The following FRAS1 variants were observed in gnomAD, a reference collection of about 807,000 sequenced individuals.
The protein encoded by FRAS1 is extracellular matrix organizing protein FRAS1.
In FRAS1, 290 loss-of-function variants were observed where a neutral mutation model predicts 435.2. That is an observed-to-expected ratio of 0.67 (90% confidence interval 0.61 to 0.73). The LOEUF (loss-of-function observed/expected upper bound fraction) is 0.73, where lower values mean the gene tolerates loss of function less well. FRAS1 is among the 30% of genes least tolerant of loss of function. The pLI, the probability that FRAS1 is intolerant of heterozygous loss-of-function variation, is 0.00. For synonymous variants in FRAS1, 1,800 were observed against 1,851.0 expected, an observed-to-expected ratio of 0.97 and a Z score of 0.71; for missense variants, 4,860 against 5,001.5, an observed-to-expected ratio of 0.97 and a Z score of 0.85.
intron 2 of FRAS1, among the ~76,000 whole-genome samples, chr4:78,086,916 C>A (rs1261373839): frequency 6.6e-6 from 1 of 152,196 alleles, no homozygotes; most frequent in Non-Finnish European, 1.5e-5. Flanking sequence ...CTCCCTAACT[C>A]ATTTTATGAG....
chr4:78,137,183 A>C (rs1393733888), intron 2 of FRAS1, among the ~76,000 whole-genome samples: 1 of 152,214 alleles, frequency 6.6e-6, no homozygotes. Context: ...CCTTTGATTC[A>C]GTTTTTTCCT....
chr4:78,221,839 C>T (rs990068914), intron 2 of FRAS1, among the ~76,000 whole-genome samples: 16 of 152,188 alleles, frequency 1.1e-4, no homozygotes, highest in African/African-American at 3.9e-4. Context: ...TATTGTATGT[C>T]AGTCATGGGG....
At chr4:78,210,491 C>A (rs189437369) in intron 2 of FRAS1, among the ~76,000 whole-genome samples, 1 of 152,176 alleles carries the variant, frequency 6.6e-6, no homozygotes, top group Non-Finnish European at 1.5e-5. Context: ...ATATCTCTTA[C>A]GAAGGTGCCC....
chr4:78,147,978 A>G (rs904309549), intron 2 of FRAS1, among the ~76,000 whole-genome samples: 2 of 152,202 alleles, frequency 1.3e-5, no homozygotes, highest in Admixed American at 6.5e-5. Context: ...AGGTAGTTCA[A>G]TCTGGAAGTG....
Position 78,280,285 on chromosome 4 carries a change from T to C in FRAS1, c.1072-1113T>C, listed in dbSNP as rs1182402476. Among the ~76,000 whole-genome samples, 3 of 152,176 alleles carry C rather than the reference T, an allele frequency of 2.0e-5. No individual in the cohort carries two copies. The East Asian group carries it at 5.8e-4, about 29-fold the overall frequency. Reference sequence around the variant, plus strand: ...CATAAGCACTGTGATACTGAGACAGTGGCTCTGATAACCAAGATGGCTACT... The same window carrying C: ...CATAAGCACTGTGATACTGAGACAGCGGCTCTGATAACCAAGATGGCTACT... On this transcript the variant is annotated intron_variant, in intron 10 of 73. Coordinates refer to ENST00000512123, the MANE Select transcript of FRAS1 (RefSeq NM_025074.7).
At chr4:78,208,002 G>A (rs576681970) in intron 2 of FRAS1, among the ~76,000 whole-genome samples, 68 of 152,252 alleles carry the variant, frequency 4.5e-4, no homozygotes, top group Non-Finnish European at 7.9e-4. Flanking sequence ...CAGAAAAGCC[G>A]AGGGAACCCA....
chr4:78,099,324 G>T (rs949802663), intron 2 of FRAS1, among the ~76,000 whole-genome samples: 1 of 152,178 alleles, frequency 6.6e-6, no homozygotes, highest in Admixed American at 6.5e-5. Flanking sequence ...TATAAGTGGC[G>T]CTTCCAGACA....
intron 2 of FRAS1, among the ~76,000 whole-genome samples, chr4:78,130,714 C>A (rs962094883): frequency 6.6e-6 from 1 of 152,196 alleles, no homozygotes; most frequent in African/African-American, 2.4e-5. Context: ...GAGAAACACT[C>A]TAAGTTTCTA....
intron 14 of FRAS1, among the ~76,000 whole-genome samples, chr4:78,303,211 A>G (rs934392582): frequency 1.8e-4 from 27 of 151,900 alleles, no homozygotes; most frequent in African/African-American, 6.3e-4. Flanking sequence ...TGTTCCATTG[A>G]TCTATATCTC....
Position 78,381,592 on chromosome 4 carries a change from T to C in FRAS1, c.3563+1596T>C, listed in dbSNP as rs201844739. Among the ~76,000 whole-genome samples, 59 of 152,336 alleles carry C rather than the reference T, an allele frequency of 3.9e-4. No homozygotes were observed. The East Asian group carries it at 7.5e-3, about 19-fold the overall frequency. On this transcript the variant is annotated intron_variant, in intron 27 of 73. Coordinates refer to ENST00000512123, the MANE Select transcript of FRAS1 (RefSeq NM_025074.7). ...TGTGTGAGCTGCAACACCTGGCCTA[T>C]TCTTAAGTATTTCTATCACACAGAC...
chr4:78,514,377 G>A (rs546049615), intron 65 of FRAS1, among the ~76,000 whole-genome samples: 3 of 152,336 alleles, frequency 2.0e-5, no homozygotes, highest in Non-Finnish European at 2.9e-5. Flanking sequence ...CTTAGCAAGT[G>A]CACATTAAAT....
Position 78,450,146 on chromosome 4 carries a change from C to T in FRAS1, c.6275-5C>T, listed in dbSNP as rs1560735023. On this transcript the variant is annotated splice_polypyrimidine_tract_variant and splice_region_variant and intron_variant, in intron 44 of 73. Transcript: ENST00000512123. ...ATAACCTACTCTCTTCCGTTCTCTTCCAAGGGTCTGTAGCACGCATCACAG... is the reference window on the plus strand; with the variant it reads ...ATAACCTACTCTCTTCCGTTCTCTTTCAAGGGTCTGTAGCACGCATCACAG... 6.2e-7 allele frequency: 1 copy of T among 1,611,304 alleles called. No homozygotes were observed. The highest frequency in any genetic ancestry group is 1.3e-5 in the African/African-American group (1 of 74,930).
chr4:78,306,947 T>TTTA (rs1487746001), intron 14 of FRAS1, among the ~76,000 whole-genome samples: 2 of 152,234 alleles, frequency 1.3e-5, no homozygotes, highest in African/African-American at 4.8e-5. Flanking sequence ...CACTCTGCTT[T>TTTA]TTAGAGTTTC....
At chr4:78,205,903 G>A (rs1428171829) in intron 2 of FRAS1, among the ~76,000 whole-genome samples, 2 of 152,026 alleles carry the variant, frequency 1.3e-5, no homozygotes, top group Non-Finnish European at 2.9e-5. Flanking sequence ...GGAAGCCTGA[G>A]GAAGGAAGAG....
chr4:78,090,371 A>T (rs1258028867), intron 2 of FRAS1, among the ~76,000 whole-genome samples: 2 of 152,198 alleles, frequency 1.3e-5, no homozygotes, highest in Non-Finnish European at 2.9e-5. Flanking sequence ...GAGCCAGTTG[A>T]GTATTCAAGA....
intron 6 of FRAS1, among the ~76,000 whole-genome samples, chr4:78,263,322 G>A (rs1284655718): frequency 2.0e-5 from 3 of 152,018 alleles, no homozygotes; most frequent in Admixed American, 2.0e-4. Flanking sequence ...TTATATTTTT[G>A]AAGAAAGATT....
rs1719658857 is a variant in FRAS1, at chr4:78,470,134, G to C, written c.7371+43G>C. 3.9e-6 allele frequency: 5 copies of C among 1,276,838 alleles called. No homozygotes were observed. In the East Asian group the frequency reaches 1.2e-4, roughly 30 times the overall value. 79.1% of individuals were successfully genotyped at this position (1,276,838 alleles called of 1,614,324 possible). On this transcript the variant is annotated intron_variant, in intron 51 of 73. Transcript: ENST00000512123. ...GTCATGTTCACACCACCCAACTTGGGCTACATCCTTCTTCACGACAATGAC... is the reference window on the plus strand; with the variant it reads ...GTCATGTTCACACCACCCAACTTGGCCTACATCCTTCTTCACGACAATGAC...
chr4:78,157,613 T>A (rs542832264), intron 2 of FRAS1, among the ~76,000 whole-genome samples: 1 of 152,348 alleles, frequency 6.6e-6, no homozygotes, highest in African/African-American at 2.4e-5. Flanking sequence ...TTGTATGTCT[T>A]CTTTTTAAGA....
intron 32 of FRAS1, among the ~76,000 whole-genome samples, chr4:78,416,569 C>G (rs1238162266): frequency 6.6e-6 from 1 of 151,710 alleles, no homozygotes; most frequent in Non-Finnish European, 1.5e-5. Flanking sequence ...CAGGAATGTA[C>G]AAGGACTTTT....
Sources: gnomAD v4.1 joint callset for allele counts (sites outside exome capture counted in the v4.1 genomes callset) on GRCh38, gnomAD v4.1.1 for gene constraint, MANE v1.5 for transcripts, NCBI Gene and HGNC (gene_info 2026-07-23, HGNC 2026-07-21) for gene names.